ZZZ3: variants seen among roughly 807,000 people sequenced by gnomAD.
The protein encoded by ZZZ3 is zinc finger ZZ-type containing 3.
In ZZZ3, 22 loss-of-function variants were observed where a neutral mutation model predicts 95.2. The ratio of observed to expected loss-of-function variants is 0.23; its 90% confidence interval spans 0.17 to 0.33. The LOEUF (loss-of-function observed/expected upper bound fraction) is 0.33. Among genes scored for constraint, ZZZ3 ranks in the 10% least tolerant of loss-of-function variants. The probability of loss-of-function intolerance (pLI) is 1.00; values close to 1 mark genes in which losing one functional copy is unlikely to be tolerated. For synonymous variants in ZZZ3, 335 were observed against 358.9 expected, an observed-to-expected ratio of 0.93 and a Z score of 0.75; for missense variants, 885 against 1,066.5, an observed-to-expected ratio of 0.83 and a Z score of 2.37.
intron 1 of ZZZ3, among the ~76,000 whole-genome samples, chr1:77,660,207 A>AT (rs955513079): frequency 1.1e-4 from 17 of 151,190 alleles, no homozygotes; most frequent in Admixed American, 9.2e-4. Flanking sequence ...CCTCCCCAAT[A>AT]TTTTTTTTTA....
intron 1 of ZZZ3, among the ~76,000 whole-genome samples, chr1:77,674,026 C>G (rs991152645): frequency 7.0e-6 from 1 of 142,670 alleles, no homozygotes; most frequent in Non-Finnish European, 1.5e-5. Flanking sequence ...AAAAAAAAAG[C>G]AGCTGAGGTA....
At chr1:77,617,776 G>GAAAA (rs551912442) in intron 5 of ZZZ3, among the ~76,000 whole-genome samples, 1 of 111,346 alleles carries the variant, frequency 9.0e-6, no homozygotes, top group Admixed American at 9.3e-5. Flanking sequence ...TGCCTCTACT[G>GAAAA]AAAAAAAAAA....
Position 77,563,834 on chromosome 1 carries a change from C to T in ZZZ3, c.*1806G>A, listed in dbSNP as rs1660610904. 1 of 152,050 alleles carries T rather than the reference C, an allele frequency of 6.6e-6. No homozygotes were observed. The highest frequency in any genetic ancestry group is 1.5e-5 in the Non-Finnish European group (1 of 67,992). The allele number at this position is 152,050 out of a possible 1,614,324, so 9.4% of individuals were successfully genotyped here. ...AAGCTCAAGTCCATTTACTTTCCTTCTGTTATGATATATTATATCTATATC... is the reference window on the plus strand; with the variant it reads ...AAGCTCAAGTCCATTTACTTTCCTTTTGTTATGATATATTATATCTATATC... On this transcript the variant is annotated 3_prime_UTR_variant, in exon 15 of 15. Transcript: ENST00000370801.
At chr1:77,636,367 T>C (rs1230263023) in intron 4 of ZZZ3, among the ~76,000 whole-genome samples, 2 of 152,176 alleles carry the variant, frequency 1.3e-5, no homozygotes, top group African/African-American at 2.4e-5. Context: ...AATGAACCTA[T>C]TATTAGTAGT....
Position 77,567,443 on chromosome 1 carries a change from TTAAG to T in ZZZ3, c.2466+885_2466+888del, listed in dbSNP as rs1660934375. On this transcript the variant is annotated intron_variant, in intron 13 of 14. Transcript: ENST00000370801. ...CCTAAAGATCATCACCCCCAATAGTTTAAGTAACTAGAATGATTCTTTCCAAAAC... is the reference window on the plus strand; with the variant it reads ...CCTAAAGATCATCACCCCCAATAGTTTAACTAGAATGATTCTTTCCAAAAC... Among the ~76,000 whole-genome samples, 3 of 152,300 alleles carry T rather than the reference TTAAG, an allele frequency of 2.0e-5. No homozygotes were observed. In the South Asian group the frequency reaches 6.2e-4, roughly 32 times the overall value.
At chr1:77,568,030 A>G (rs1660990290) in intron 13 of ZZZ3, among the ~76,000 whole-genome samples, 1 of 152,216 alleles carries the variant, frequency 6.6e-6, no homozygotes, top group Admixed American at 6.5e-5. Context: ...AACACTACAG[A>G]AACCACTTTA....
Position 77,569,126 on chromosome 1 carries a change from C to T in ZZZ3, c.2332-660G>A, listed in dbSNP as rs568680142. Among the ~76,000 whole-genome samples, 3 of 152,306 alleles carry T rather than the reference C, an allele frequency of 2.0e-5. No individual in the cohort carries two copies. In the South Asian group the frequency reaches 6.2e-4, roughly 32 times the overall value. ...CCGAGGTGGACGGATCACTTTAGGT[C>T]AGGAGTTCAAGACCAGCCTAGCCAA... On this transcript the variant is annotated intron_variant, in intron 12 of 14. Transcript: ENST00000370801.
chr1:77,574,126 A>C (rs1055492309), intron 12 of ZZZ3, among the ~76,000 whole-genome samples: 3 of 148,304 alleles, frequency 2.0e-5, no homozygotes, highest in Admixed American at 6.8e-5. Context: ...ATATATATAT[A>C]GATAGATTTA....
At chr1:77,628,191 C>T (rs1220110137) in intron 5 of ZZZ3, among the ~76,000 whole-genome samples, 2 of 152,134 alleles carry the variant, frequency 1.3e-5, no homozygotes, top group African/African-American at 4.8e-5. Context: ...TTCAGTGAGG[C>T]TATTTAAGCC....
intron 5 of ZZZ3, among the ~76,000 whole-genome samples, chr1:77,620,633 T>C (rs939534929): frequency 6.6e-6 from 1 of 152,096 alleles, no homozygotes; most frequent in African/African-American, 2.4e-5. Context: ...AGTAAAAGAC[T>C]CCACCAAATC....
chr1:77,603,960 T>C (rs972118791), intron 5 of ZZZ3, among the ~76,000 whole-genome samples: 1 of 152,074 alleles, frequency 6.6e-6, no homozygotes, highest in African/African-American at 2.4e-5. Context: ...TGCTTGGATT[T>C]TGAGACTAGC....
chr1:77,658,403 G>T (rs777913030), intron 1 of ZZZ3, among the ~76,000 whole-genome samples: 2 of 151,866 alleles, frequency 1.3e-5, no homozygotes, highest in Non-Finnish European at 2.9e-5. Flanking sequence ...ATGCAATGGG[G>T]AGATCACTGT....
chr1:77,581,142 C>T (rs1662479928), intron 8 of ZZZ3, 73 bp from the exon 9 acceptor site: 4 of 1,136,248 alleles, frequency 3.5e-6, no homozygotes, highest in Non-Finnish European at 5.2e-6. Context: ...AAATAACACG[C>T]AAATTGTGGA....
intron 5 of ZZZ3, among the ~76,000 whole-genome samples, chr1:77,600,644 G>A (rs552912290): frequency 6.6e-6 from 1 of 152,100 alleles, no homozygotes; most frequent in African/African-American, 2.4e-5. Flanking sequence ...GGTAGTAAAA[G>A]GGAAAGGGTT....
chr1:77,584,331 A>T (rs1418229743), intron 6 of ZZZ3, among the ~76,000 whole-genome samples, 186 bp downstream of exon 6: 1 of 152,216 alleles, frequency 6.6e-6, no homozygotes, highest in Non-Finnish European at 1.5e-5. Flanking sequence ...TCATTTGGAT[A>T]TATTTTATTG....
At chr1:77,596,106 A>T (rs181443754) in intron 5 of ZZZ3, among the ~76,000 whole-genome samples, 2 of 152,240 alleles carry the variant, frequency 1.3e-5, no homozygotes, top group East Asian at 3.9e-4. Flanking sequence ...AACTAGATAA[A>T]CTGAAACAGA....
At chr1:77,644,062 C>CT (rs112932216) in intron 1 of ZZZ3, among the ~76,000 whole-genome samples, 4,184 of 143,546 alleles carry the variant, frequency 0.029, 53 homozygotes, top group Middle Eastern at 0.082. Flanking sequence ...AAATAACTTT[C>CT]TTTTTTTTTT....
At chr1:77,650,634 T>A (rs1669717838) in intron 1 of ZZZ3, among the ~76,000 whole-genome samples, 1 of 147,702 alleles carries the variant, frequency 6.8e-6, no homozygotes. Context: ...AAGGAAGGTC[T>A]CAATGATGTC....
chr1:77,632,149 A>G lies in ZZZ3; in HGVS notation c.1206T>C (p.Asn402=), dbSNP rs1667865637. The G allele has an allele frequency of 3.1e-6, 5 of 1,614,066 alleles. No homozygotes were observed. The South Asian group carries it at 4.4e-5, about 14-fold the overall frequency. ...TAAGATTATTCTCCTCAAATTGTCC[A>G]TTTTCTCTGTAAGGAGAACTGTTTT... ...PTKNSSPYRE[N]GQFEENNLSP... Residue 402 remains asparagine, a synonymous_variant, in exon 5 of 15, where the codon AAT becomes AAC. Transcript: ENST00000370801.
Sources: gnomAD v4.1 joint callset for allele counts (sites outside exome capture counted in the v4.1 genomes callset) on GRCh38, gnomAD v4.1.1 for gene constraint, MANE v1.5 for transcripts, NCBI Gene and HGNC (gene_info 2026-07-23, HGNC 2026-07-21) for gene names.